Variants in LHFPL3 observed in about 807,000 individuals in gnomAD.
LHFPL3 encodes the protein LHFPL tetraspan subfamily member 3 protein.
In LHFPL3, 5 loss-of-function variants were observed where a neutral mutation model predicts 19.3. The observed-to-expected ratio is 0.26, with a 90% CI of 0.14 to 0.54. The LOEUF (loss-of-function observed/expected upper bound fraction) is 0.54, where lower values mean the gene tolerates loss of function less well. LHFPL3 is among the 20% of genes least tolerant of loss of function. The probability of loss-of-function intolerance (pLI) is 0.94; values close to 1 mark genes in which losing one functional copy is unlikely to be tolerated. For missense variants in LHFPL3, 249 were observed against 307.4 expected, an observed-to-expected ratio of 0.81 and a Z score of 1.42; for synonymous variants, 133 against 126.2, an observed-to-expected ratio of 1.05 and a Z score of -0.36.
At chr7:104,407,901 A>T (rs1203205322) in intron 1 of LHFPL3, among the ~76,000 whole-genome samples, 1 of 152,200 alleles carries the variant, frequency 6.6e-6, no homozygotes, top group African/African-American at 2.4e-5. Flanking sequence ...CATAGTCTGG[A>T]TTTGAACCCA....
intron 1 of LHFPL3, among the ~76,000 whole-genome samples, chr7:104,552,374 T>C (rs1794677270): frequency 1.3e-5 from 2 of 152,220 alleles, no homozygotes; most frequent in South Asian, 4.1e-4. Context: ...GACTTATTAC[T>C]ATAGCCATTT....
intron 1 of LHFPL3, among the ~76,000 whole-genome samples, chr7:104,585,706 T>A (rs1790561116): frequency 6.6e-6 from 1 of 152,092 alleles, no homozygotes; most frequent in Admixed American, 6.6e-5. Flanking sequence ...AAATGAAAAG[T>A]TATTAAACTA....
intron 1 of LHFPL3, chr7:104,667,890 G>A: frequency 6.2e-7 from 1 of 1,612,450 alleles, no homozygotes; most frequent in Non-Finnish European, 8.5e-7. Flanking sequence ...GGATGACCTG[G>A]AAGGAGATGT....
At chr7:104,603,112 TTCTTTCTTTC>T (rs1230599146) in intron 1 of LHFPL3, among the ~76,000 whole-genome samples, 11 of 142,378 alleles carry the variant, frequency 7.7e-5, no homozygotes, top group African/African-American at 2.9e-4. Context: ...CTTTCTTTCT[TTCTTTCTTTC>T]TTTCTTTCTT....
intron 1 of LHFPL3, among the ~76,000 whole-genome samples, chr7:104,374,905 A>G (rs1014286252): frequency 1.3e-5 from 2 of 152,254 alleles, no homozygotes; most frequent in East Asian, 1.9e-4. Context: ...GTGAAGTAGT[A>G]GAATTGGCAG....
chr7:104,861,273 C>A, intron 2 of LHFPL3, among the ~76,000 whole-genome samples: 1 of 152,172 alleles, frequency 6.6e-6, no homozygotes, highest in Non-Finnish European at 1.5e-5. Context: ...CAAGGCAGGT[C>A]TGGGTTTGAG....
chr7:104,698,172 G>A (rs17269890), intron 1 of LHFPL3, among the ~76,000 whole-genome samples: 51,868 of 151,980 alleles, frequency 0.34, 9,263 homozygotes, highest in South Asian at 0.55. Flanking sequence ...TTTTGCATCC[G>A]AATTTTCTGC....
intron 1 of LHFPL3, among the ~76,000 whole-genome samples, chr7:104,685,420 G>A (rs1028687511): frequency 6.6e-6 from 1 of 152,102 alleles, no homozygotes; most frequent in African/African-American, 2.4e-5. Context: ...TTCAGATGAA[G>A]CCTAGCCCAG....
chr7:104,401,500 G>A (rs913128471), intron 1 of LHFPL3, among the ~76,000 whole-genome samples: 3 of 151,978 alleles, frequency 2.0e-5, no homozygotes, highest in Admixed American at 6.6e-5. Context: ...AAATGACAGA[G>A]ACCAATAGAA....
chr7:104,364,888 A>G (rs1339484684), intron 1 of LHFPL3, among the ~76,000 whole-genome samples: 1 of 152,234 alleles, frequency 6.6e-6, no homozygotes, highest in Non-Finnish European at 1.5e-5. Context: ...GGATGTTAAA[A>G]TTTCTTTTTT....
chr7:104,394,980 T>C (rs961756255), intron 1 of LHFPL3, among the ~76,000 whole-genome samples: 1 of 152,016 alleles, frequency 6.6e-6, no homozygotes, highest in African/African-American at 2.4e-5. Flanking sequence ...ATTAAAGGCA[T>C]GAGCCAGCAC....
intron 2 of LHFPL3, among the ~76,000 whole-genome samples, chr7:104,748,058 AC>A (rs1213763126): frequency 6.6e-6 from 1 of 151,352 alleles, no homozygotes; most frequent in Admixed American, 6.6e-5. Context: ...CTTACCCCCA[AC>A]CCCGTGCTCT....
chr7:104,819,552 T>TA (rs1188668781), intron 2 of LHFPL3, among the ~76,000 whole-genome samples: 1 of 152,118 alleles, frequency 6.6e-6, no homozygotes, highest in African/African-American at 2.4e-5. Flanking sequence ...TTCTCTCATT[T>TA]AAAAAACAAA....
intron 2 of LHFPL3, among the ~76,000 whole-genome samples, chr7:104,816,765 C>A (rs1447691853): frequency 2.0e-5 from 3 of 152,226 alleles, no homozygotes; most frequent in Non-Finnish European, 4.4e-5. Context: ...TCTAAACAGC[C>A]TTTGCCCAGG....
chr7:104,860,249 A>T (rs1269091935), intron 2 of LHFPL3, among the ~76,000 whole-genome samples: 2 of 151,706 alleles, frequency 1.3e-5, no homozygotes, highest in Non-Finnish European at 2.9e-5. Context: ...CTGTTGTGCA[A>T]ACTTACTCGG....
At chr7:104,827,331 A>G (rs796259228) in intron 2 of LHFPL3, among the ~76,000 whole-genome samples, 8 of 152,138 alleles carry the variant, frequency 5.3e-5, no homozygotes, top group African/African-American at 1.9e-4. Context: ...TTTAACTGCA[A>G]TTTGGTTAAA....
chr7:104,365,192 T>C (rs960706788), intron 1 of LHFPL3, among the ~76,000 whole-genome samples: 1 of 151,944 alleles, frequency 6.6e-6, no homozygotes, highest in Non-Finnish European at 1.5e-5. Context: ...CCAGCTATTC[T>C]AGAGGCTGAG....
intron 1 of LHFPL3, among the ~76,000 whole-genome samples, chr7:104,560,740 C>T (rs1323270587): frequency 6.9e-6 from 1 of 145,272 alleles, no homozygotes; most frequent in Non-Finnish European, 1.5e-5. Flanking sequence ...AATGTGTTTG[C>T]TCTTGCTTTT....
chr7:104,603,926 C>A (rs1030059849), intron 1 of LHFPL3, among the ~76,000 whole-genome samples: 4 of 152,226 alleles, frequency 2.6e-5, no homozygotes, highest in Non-Finnish European at 5.9e-5. Flanking sequence ...CCCAGTAGCT[C>A]TCATAGGTTG....
Sources: allele counts gnomAD v4.1 joint callset (sites outside exome capture counted in the v4.1 genomes callset), GRCh38; gene constraint gnomAD v4.1.1; transcripts MANE v1.5; gene names NCBI Gene and HGNC (gene_info 2026-07-23, HGNC 2026-07-21).